Variants in RMND1 observed in about 807,000 individuals in gnomAD.
RMND1 encodes the protein required for meiotic nuclear division protein 1 homolog.
A neutral mutation model predicts 54.0 loss-of-function variants in RMND1; 41 were observed. The observed-to-expected ratio is 0.76, with a 90% CI of 0.59 to 0.98. RMND1 has a LOEUF of 0.98. RMND1 is among the 50% of genes least tolerant of loss of function. The pLI is 0.00. For missense variants in RMND1, 457 were observed against 532.0 expected (o/e 0.86, Z 1.39); for synonymous variants, 183 against 181.7 (o/e 1.01, Z -0.06).
At chr6:151,416,153 A>G (rs1169144697) in intron 10 of RMND1, among the ~76,000 whole-genome samples, 1 of 151,430 alleles carries the variant, frequency 6.6e-6, no homozygotes, top group African/African-American at 2.4e-5. Flanking sequence ...TAATTTTTGT[A>G]TTTTTAGTAG....
At position 151,436,528 on chromosome 6, in the gene RMND1, T is replaced by C. The variant is rs767736322; in HGVS notation, c.531A>G (p.Ala177=). The C allele has an allele frequency of 3.5e-5, 57 of 1,613,820 alleles. No homozygotes were observed. The highest frequency in any genetic ancestry group is 4.4e-5 in the Non-Finnish European group (52 of 1,179,842). ...TTCCCAGATGATACTCATCTGCCGT[T>C]GCAAATGCTGTGCAGTGCATTAGGT... is the stretch of plus-strand genomic sequence containing the variant. ...NEDLMHCTAF[A]TADEYHLGNL... is the part of the protein sequence containing the mutation. The change falls in exon 3 of 12, where the codon GCA becomes GCG. Residue 177 remains alanine (A), a synonymous_variant. Transcript: ENST00000444024.
rs576924560 is a variant in RMND1, at chr6:151,451,605, A to G, written c.-15+411T>C. ...CTCCTGACAATAGCGCCCAGCACAT[A>G]GTAGGCATTCGATCGAATTTTTAAA... On this transcript the variant is annotated intron_variant, in intron 1 of 11. Coordinates refer to ENST00000444024, the MANE Select transcript of RMND1 (RefSeq NM_017909.4). Among the ~76,000 whole-genome samples the G allele has an allele frequency of 2.6e-5, 4 of 152,294 alleles. No individual in the cohort carries two copies. In the South Asian group the frequency reaches 6.2e-4, roughly 24 times the overall value.
At chr6:151,414,123 G>A (rs575573032) in intron 10 of RMND1, among the ~76,000 whole-genome samples, 17 of 152,260 alleles carry the variant, frequency 1.1e-4, no homozygotes, top group Non-Finnish European at 2.4e-4. Flanking sequence ...AGACTGGGAT[G>A]TAGTGGCGTG....
At position 151,445,529 on chromosome 6, in the gene RMND1, G is replaced by C; in HGVS notation, c.283C>G (p.Leu95Val). The C allele has an allele frequency of 6.2e-7, 1 of 1,614,240 alleles. No individual in the cohort carries two copies. The highest frequency in any genetic ancestry group is 1.6e-4 in the Middle Eastern group (1 of 6,062). ...GTACCAAAGGATTTCATGGTTGGAA[G>C]GTGTGCCTTTTCATCTTGGCAACGA... is the stretch of plus-strand genomic sequence containing the variant. ...AARCQDEKAH[L>V]PTMKSFGTHR... Residue 95 changes from leucine (L) to valine (V), a missense_variant, in exon 2 of 12, where the codon CTT becomes GTT. Transcript: ENST00000444024.
In RMND1 at chr6:151,424,419, C is replaced by T. The variant is rs574634175; in HGVS notation, c.831-788G>A. On this transcript the variant is annotated intron_variant, in intron 6 of 11. Transcript: ENST00000444024. Reference sequence around the variant, plus strand: ...CGGAGCTTGCAGTAAGCCGAAATCACGCCACTGCACTCCAGCCTGGGAGAC... The same window carrying T: ...CGGAGCTTGCAGTAAGCCGAAATCATGCCACTGCACTCCAGCCTGGGAGAC... Among the ~76,000 whole-genome samples the T allele has an allele frequency of 2.9e-3, 438 of 150,796 alleles. 2 individuals are homozygous for T. The highest frequency in any genetic ancestry group is 9.6e-3 in the African/African-American group (394 of 40,966).
intron 9 of RMND1, among the ~76,000 whole-genome samples, chr6:151,420,180 T>G (rs1359159157): frequency 3.9e-5 from 6 of 152,176 alleles, no homozygotes; most frequent in Non-Finnish European, 7.3e-5. Flanking sequence ...AATTTCTGCT[T>G]GCATGACCAA....
intron 5 of RMND1, among the ~76,000 whole-genome samples, chr6:151,427,826 C>T (rs930898192): frequency 2.0e-5 from 3 of 152,102 alleles, no homozygotes; most frequent in African/African-American, 7.2e-5. Context: ...ATCATTATCC[C>T]ACAACCCAAG....
At chr6:151,446,495 A>G (rs980190923) in intron 1 of RMND1, among the ~76,000 whole-genome samples, 12 of 152,096 alleles carry the variant, frequency 7.9e-5, no homozygotes, top group African/African-American at 2.9e-4. Flanking sequence ...GGTGCTTTTC[A>G]GCTTGGGGCT....
At chr6:151,405,902 C>G (rs917234734) in intron 10 of RMND1, 66 bp from the exon 11 acceptor site, 23 of 811,092 alleles carry the variant, frequency 2.8e-5, no homozygotes, top group Non-Finnish European at 4.4e-5. Flanking sequence ...CATAAAAATT[C>G]TATAGCTATA....
Position 151,433,202 on chromosome 6 carries a change from C to T in RMND1, c.642G>A (p.Val214=), listed in dbSNP as rs1392387185. The T allele has an allele frequency of 6.2e-7, 1 of 1,612,182 alleles. No individual in the cohort carries two copies. The highest frequency in any genetic ancestry group is 1.1e-5 in the South Asian group (1 of 90,802). ...GATCACCTTCTTTTGCAGAATTTTC[C>T]ACACCCATCACCAAAATATTTGCTG... is the stretch of plus-strand genomic sequence containing the variant. ...RDAANILVMG[V]ENSAKEGDPG... The change falls in exon 4 of 12, where the codon GTG becomes GTA. Residue 214 remains valine (V), a synonymous_variant. Coordinates refer to ENST00000444024, the MANE Select transcript of RMND1 (RefSeq NM_017909.4).
At chr6:151,428,555 A>G (rs1942021196) in intron 5 of RMND1, among the ~76,000 whole-genome samples, 1 of 152,224 alleles carries the variant, frequency 6.6e-6, no homozygotes, top group African/African-American at 2.4e-5. Flanking sequence ...TGTAACAGAC[A>G]GGGTCTCACC....
chr6:151,439,981 G>C (rs148348805), intron 2 of RMND1, among the ~76,000 whole-genome samples: 1 of 152,056 alleles, frequency 6.6e-6, no homozygotes, highest in East Asian at 1.9e-4. Flanking sequence ...TTTTGAGACG[G>C]AGTCTTCCTC....
At chr6:151,412,090 C>T (rs1194664898) in intron 10 of RMND1, among the ~76,000 whole-genome samples, 1 of 152,164 alleles carries the variant, frequency 6.6e-6, no homozygotes, top group Non-Finnish European at 1.5e-5. Context: ...ACCTCTGCCC[C>T]CCTTAGGTTC....
chr6:151,417,060 A>G (rs1022628774), intron 10 of RMND1: 4 of 399,576 alleles, frequency 1.0e-5, no homozygotes, highest in African/African-American at 8.2e-5. Flanking sequence ...AGGCTTCCAA[A>G]CTCTCATCTT....
intron 10 of RMND1, among the ~76,000 whole-genome samples, chr6:151,406,379 T>C (rs1779620441): frequency 2.6e-5 from 4 of 152,026 alleles, no homozygotes; most frequent in Admixed American, 2.6e-4. Context: ...TTGTTGTTTT[T>C]TGGGATGGAG....
At chr6:151,445,016 T>A in intron 2 of RMND1, 1 of 305,602 alleles carries the variant, frequency 3.3e-6, no homozygotes, top group Non-Finnish European at 5.9e-6. Flanking sequence ...ATTCTTAGAC[T>A]GGACTTAATA....
chr6:151,419,577 G>A (rs1780099444), intron 9 of RMND1, among the ~76,000 whole-genome samples: 1 of 151,084 alleles, frequency 6.6e-6, no homozygotes, highest in Admixed American at 6.6e-5. Flanking sequence ...AGGAGGGTGA[G>A]GCAGGAGGAA....
At chr6:151,405,317 A>G (rs1275446252) in intron 11 of RMND1, 50 bp from the exon 12 acceptor site, 2 of 1,502,222 alleles carry the variant, frequency 1.3e-6, no homozygotes, top group African/African-American at 1.4e-5. Context: ...TTATGGGTAC[A>G]AACTAAAATG....
chr6:151,440,400 T>C (rs958521281), intron 2 of RMND1, among the ~76,000 whole-genome samples: 5 of 152,214 alleles, frequency 3.3e-5, no homozygotes, highest in Non-Finnish European at 5.9e-5. Context: ...TAACGGCAAA[T>C]TGAGAATGTG....
Sources: allele counts gnomAD v4.1 joint callset (sites outside exome capture counted in the v4.1 genomes callset), GRCh38; gene constraint gnomAD v4.1.1; transcripts MANE v1.5; gene names NCBI Gene and HGNC (gene_info 2026-07-23, HGNC 2026-07-21).